ISG20: variants seen among roughly 807,000 people sequenced by gnomAD.
ISG20 encodes interferon-stimulated gene 20 kDa protein.
A neutral mutation model predicts 11.1 loss-of-function variants in ISG20; 8 were observed. That is an observed-to-expected ratio of 0.72 (90% CI 0.42 to 1.30). The LOEUF is 1.30. Ranked by LOEUF, ISG20 falls within the 50% of genes most tolerant of loss-of-function variation. The probability of loss-of-function intolerance (pLI) is 0.01; values close to 1 mark genes in which losing one functional copy is unlikely to be tolerated. For synonymous variants in ISG20, 110 were observed against 101.7 expected (o/e 1.08, Z -0.49); for missense variants, 243 against 250.2 (o/e 0.97, Z 0.19).
chr15:88,650,518 A>G lies in ISG20; in HGVS notation c.229-1592A>G, dbSNP rs2058255814. Reference sequence around the variant, plus strand: ...TCCCAGTTATCAAATGGTGCTTGGCAAATCACACCAAAACTTACCGGTTCA... The same window carrying G: ...TCCCAGTTATCAAATGGTGCTTGGCGAATCACACCAAAACTTACCGGTTCA... On this transcript the variant is annotated intron_variant, in intron 2 of 3. Coordinates refer to ENST00000306072, the MANE Select transcript of ISG20 (RefSeq NM_002201.6). The surrounding 1 kb of genome is among the most constrained non-coding windows in gnomAD (Gnocchi z 4.0). 1 of 1,323,538 alleles carries G rather than the reference A, an allele frequency of 7.6e-7. No homozygotes were observed. The highest frequency in any genetic ancestry group is 1.5e-5 in the South Asian group (1 of 64,846). 82.0% of individuals were successfully genotyped at this position (1,323,538 alleles called of 1,614,324 possible).
chr15:88,654,040 C>T (rs954038855), intron 3 of ISG20, among the ~76,000 whole-genome samples: 3 of 152,094 alleles, frequency 2.0e-5, no homozygotes, highest in Non-Finnish European at 4.4e-5. Flanking sequence ...AGTGACTTGC[C>T]CACGGTCACA....
chr15:88,639,170 A>T lies in ISG20; in HGVS notation c.-25+94A>T, dbSNP rs557441111. On this transcript the variant is annotated intron_variant, in intron 1 of 3. Transcript: ENST00000306072. The surrounding 1 kb of genome is among the most constrained non-coding windows in gnomAD (Gnocchi z 4.2). ...GGGCAGGCCAGAGGCCCTGGGACAC[A>T]CGGGCAGGGTAAGGCAGGGGATGGG... 1 of 597,290 alleles carries T rather than the reference A, an allele frequency of 1.7e-6. No individual in the cohort carries two copies. Among genetic ancestry groups the T allele is most frequent in the Middle Eastern group, 4.4e-4 (1 of 2,266 alleles). 37.0% of individuals were successfully genotyped at this position (597,290 alleles called of 1,614,324 possible).
intron 2 of ISG20, 178 bp from the exon 3 acceptor site, chr15:88,651,932 G>A: frequency 7.0e-7 from 1 of 1,431,808 alleles, no homozygotes; most frequent in Non-Finnish European, 9.1e-7. Flanking sequence ...TATCAGGTGT[G>A]AGGAGGGTCC....
chr15:88,637,996 TGAA>T (rs2058012470), upstream of ISG20, among the ~76,000 whole-genome samples: 1 of 152,232 alleles, frequency 6.6e-6, no homozygotes, highest in Non-Finnish European at 1.5e-5. Flanking sequence ...GGCTTTCTCA[TGAA>T]GACGTATTTC....
At chr15:88,652,912 G>A (rs1279943797) in intron 3 of ISG20, among the ~76,000 whole-genome samples, 4 of 151,790 alleles carry the variant, frequency 2.6e-5, no homozygotes, top group African/African-American at 9.7e-5. Context: ...TGGGATATTT[G>A]TACACCAGTT....
intron 2 of ISG20, chr15:88,651,434 C>T (rs915140441): frequency 1.1e-5 from 4 of 375,286 alleles, no homozygotes; most frequent in South Asian, 2.1e-4. Flanking sequence ...GGCTAGGTTC[C>T]TTCTGGATGC....
At chr15:88,641,620 T>G (rs2058082209) in intron 2 of ISG20, among the ~76,000 whole-genome samples, 1 of 152,152 alleles carries the variant, frequency 6.6e-6, no homozygotes, top group East Asian at 1.9e-4. Context: ...GTGTCCAAAC[T>G]TCCTCTTTTT....
chr15:88,637,684 T>C (rs10152159), upstream of ISG20, among the ~76,000 whole-genome samples: 109,626 of 151,970 alleles, frequency 0.72, 40,043 homozygotes, highest in Non-Finnish European at 0.79. Context: ...GAGGTGGAGG[T>C]ATGAGGGGTT....
upstream of ISG20, chr15:88,638,850 C>G (rs571757724): frequency 6.0e-6 from 1 of 165,894 alleles, no homozygotes; most frequent in African/African-American, 2.4e-5. Context: ...TGACTCGGCC[C>G]GGAGCTGAGC....
At chr15:88,641,159 A>T (rs879392065) in intron 2 of ISG20, among the ~76,000 whole-genome samples, 1 of 151,394 alleles carries the variant, frequency 6.6e-6, no homozygotes, top group Non-Finnish European at 1.5e-5. Flanking sequence ...TGCCCGGCTA[A>T]TTTTTTTTGC....
chr15:88,654,703 A>G (rs1245454082), intron 3 of ISG20, among the ~76,000 whole-genome samples: 2 of 152,340 alleles, frequency 1.3e-5, no homozygotes, highest in South Asian at 4.1e-4. Flanking sequence ...TATCATCAGT[A>G]AAATGGGGGA....
chr15:88,638,490 A>T (rs1273284390), upstream of ISG20, among the ~76,000 whole-genome samples: 1 of 152,156 alleles, frequency 6.6e-6, no homozygotes, highest in South Asian at 2.1e-4. Context: ...GGAGGCCTGT[A>T]AGGGCTCCCT....
At chr15:88,638,401 C>A (rs139273642), upstream of ISG20, among the ~76,000 whole-genome samples, 9 of 152,320 alleles carry the variant, frequency 5.9e-5, no homozygotes, top group East Asian at 1.7e-3. Flanking sequence ...GTGGGGCCTC[C>A]CCGAAGGCCT....
At position 88,643,127 on chromosome 15, in the gene ISG20, C is replaced by T. The variant is rs1022086526; in HGVS notation, c.228+3533C>T. On this transcript the variant is annotated intron_variant, in intron 2 of 3. Transcript: ENST00000306072. This position sits in a 1 kb window ranked among gnomAD's most constrained non-coding sequence, Gnocchi z 4.4. The stretch of plus-strand genomic sequence containing the variant: ...GTGCATACCTGTAGTCCCAGCTACT[C>T]GAGGAGGCTGAGGTGAAGTATTGCT... Among the ~76,000 whole-genome samples, 2 of 151,696 alleles carry T rather than the reference C, an allele frequency of 1.3e-5. No homozygotes were observed. The highest frequency in any genetic ancestry group is 1.9e-4 in the East Asian group (1 of 5,148).
At chr15:88,641,220 G>C (rs1018953221) in intron 2 of ISG20, among the ~76,000 whole-genome samples, 1 of 152,044 alleles carries the variant, frequency 6.6e-6, no homozygotes, top group African/African-American at 2.4e-5. Context: ...GGTCTCGCTC[G>C]AACTCCTGAC....
chr15:88,637,941 T>TCTCACAC (rs953661470), upstream of ISG20, among the ~76,000 whole-genome samples: 1 of 152,156 alleles, frequency 6.6e-6, no homozygotes, highest in Non-Finnish European at 1.5e-5. Flanking sequence ...AATCAAAAAC[T>TCTCACAC]CTCACACCTC....
At chr15:88,636,728 C>T (rs1047988003), upstream of ISG20, among the ~76,000 whole-genome samples, 1 of 152,158 alleles carries the variant, frequency 6.6e-6, no homozygotes, top group Non-Finnish European at 1.5e-5. Flanking sequence ...GAGATGAGAT[C>T]TCCCTGTGTT....
intron 2 of ISG20, among the ~76,000 whole-genome samples, chr15:88,640,015 G>C (rs372410548): frequency 1.3e-5 from 2 of 152,190 alleles, no homozygotes; most frequent in Admixed American, 6.5e-5. Flanking sequence ...GCTGAGCCTC[G>C]GGCTGAGGAC....
intron 2 of ISG20, among the ~76,000 whole-genome samples, chr15:88,645,691 C>G (rs2141395800): frequency 6.6e-6 from 1 of 152,240 alleles, no homozygotes; most frequent in South Asian, 2.1e-4. Context: ...TCTCCTATCC[C>G]CCATCCCTCT....
Sources: gnomAD v4.1 joint callset for allele counts (sites outside exome capture counted in the v4.1 genomes callset) on GRCh38, gnomAD v4.1.1 for gene constraint, Gnocchi (gnomAD v3.1) non-coding constraint, MANE v1.5 for transcripts, NCBI Gene and HGNC (gene_info 2026-07-23, HGNC 2026-07-21) for gene names.